Variants in COL14A1 observed in about 807,000 individuals in gnomAD.
COL14A1 encodes the protein collagen type XIV alpha 1 chain.
In COL14A1, 136 loss-of-function variants were observed where a neutral mutation model predicts 230.3. The ratio of observed to expected loss-of-function variants is 0.59; its 90% CI spans 0.51 to 0.68. The LOEUF is 0.68. Among genes scored for constraint, COL14A1 ranks in the 30% least tolerant of loss-of-function variants. The probability of loss-of-function intolerance (pLI) is 0.00; values close to 1 mark genes in which losing one functional copy is unlikely to be tolerated. For missense variants in COL14A1, 1,976 were observed against 2,215.8 expected, an observed-to-expected ratio of 0.89 and a Z score of 2.17; for synonymous variants, 792 against 784.1, an observed-to-expected ratio of 1.01 and a Z score of -0.17.
At chr8:120,241,315 C>T (rs959553227) in intron 19 of COL14A1, among the ~76,000 whole-genome samples, 1 of 152,160 alleles carries the variant, frequency 6.6e-6, no homozygotes, top group East Asian at 1.9e-4. Context: ...ACTAGTCCTT[C>T]ACCACAAAGA....
chr8:120,310,095 C>A, intron 37 of COL14A1, 33 bp downstream of exon 37: 1 of 1,604,882 alleles, frequency 6.2e-7, no homozygotes, highest in Non-Finnish European at 8.5e-7. Context: ...CTCTCTGTCT[C>A]ATCTCTCTCT....
At chr8:120,316,205 T>G (rs1586857394) in intron 40 of COL14A1, among the ~76,000 whole-genome samples, 1 of 152,238 alleles carries the variant, frequency 6.6e-6, no homozygotes, top group East Asian at 1.9e-4. Flanking sequence ...GGAACTTTCA[T>G]CAAACCTTCC....
chr8:120,270,726 A>T (rs1300950053), intron 26 of COL14A1, among the ~76,000 whole-genome samples: 1 of 151,782 alleles, frequency 6.6e-6, no homozygotes, highest in East Asian at 1.9e-4. Context: ...AAAAAATAAC[A>T]GATGCTGGCA....
intron 40 of COL14A1, among the ~76,000 whole-genome samples, chr8:120,330,548 A>G (rs1238349748): frequency 6.6e-6 from 1 of 152,122 alleles, no homozygotes; most frequent in Non-Finnish European, 1.5e-5. Flanking sequence ...CTTGTTCACA[A>G]TCATGAGAAC....
At chr8:120,202,720 A>G (rs1817290130) in intron 8 of COL14A1, among the ~76,000 whole-genome samples, 1 of 151,894 alleles carries the variant, frequency 6.6e-6, no homozygotes, top group African/African-American at 2.4e-5. Context: ...AACACTTACT[A>G]TGGTGCTTGG....
Position 120,371,476 on chromosome 8 carries a change from G to T in COL14A1, c.*245G>T. ...CCTTTGGTGTCTTAATGGCATGTCA[G>T]ATAATTTGTTTTTCCAGAGAAGAGA... On this transcript the variant is annotated 3_prime_UTR_variant, in exon 48 of 48. Coordinates refer to ENST00000297848, the MANE Select transcript of COL14A1 (RefSeq NM_021110.4). The T allele has an allele frequency of 2.5e-6, 1 of 395,632 alleles. No homozygotes were observed. Among genetic ancestry groups the T allele is most frequent in the Non-Finnish European group, 4.4e-6 (1 of 224,852 alleles). 24.5% of individuals were successfully genotyped at this position (395,632 alleles called of 1,614,324 possible).
chr8:120,268,766 G>T (rs2129810356), intron 25 of COL14A1, among the ~76,000 whole-genome samples: 1 of 151,728 alleles, frequency 6.6e-6, no homozygotes, highest in East Asian at 1.9e-4. Context: ...TCATGCATGT[G>T]GATATATTTT....
At chr8:120,358,356 AC>A (rs1311540913) in intron 45 of COL14A1, among the ~76,000 whole-genome samples, 1 of 152,160 alleles carries the variant, frequency 6.6e-6, no homozygotes, top group Non-Finnish European at 1.5e-5. Flanking sequence ...ATTTTAATGT[AC>A]ATTTTTCTTT....
At chr8:120,278,684 T>C in intron 28 of COL14A1, 106 bp downstream of exon 28, 1 of 1,133,158 alleles carries the variant, frequency 8.8e-7, no homozygotes, top group Non-Finnish European at 1.2e-6. Context: ...TTTTAAAATA[T>C]TTCTTCATAT....
At chr8:120,241,465 G>A (rs536065089) in intron 19 of COL14A1, among the ~76,000 whole-genome samples, 7 of 152,112 alleles carry the variant, frequency 4.6e-5, no homozygotes, top group Non-Finnish European at 1.5e-5. Context: ...ATTAGAGCCA[G>A]ACATGAAAAT....
At chr8:120,246,613 A>G (rs1472463314) in intron 20 of COL14A1, among the ~76,000 whole-genome samples, 1 of 152,200 alleles carries the variant, frequency 6.6e-6, no homozygotes, top group African/African-American at 2.4e-5. Flanking sequence ...GATTATTAGT[A>G]TGAAAATAGG....
At chr8:120,261,606 G>A (rs1439176609) in intron 23 of COL14A1, among the ~76,000 whole-genome samples, 2 of 152,106 alleles carry the variant, frequency 1.3e-5, no homozygotes, top group South Asian at 2.1e-4. Flanking sequence ...ACAAAGAAAC[G>A]AGCCAATAGT....
intron 45 of COL14A1, among the ~76,000 whole-genome samples, chr8:120,349,662 G>A (rs1384913050): frequency 1.4e-5 from 2 of 139,706 alleles, no homozygotes; most frequent in Middle Eastern, 3.5e-3. Flanking sequence ...TGAATGAAAT[G>A]AAGCGAGAAG....
chr8:120,196,977 A>C, intron 6 of COL14A1, 31 bp downstream of exon 6: 2 of 1,605,724 alleles, frequency 1.2e-6, no homozygotes, highest in South Asian at 2.2e-5. Flanking sequence ...AGTAGCAGTC[A>C]GTTGTCAGTG....
At chr8:120,227,388 C>G (rs368735703) in intron 17 of COL14A1, 36 bp downstream of exon 17, 5 of 1,611,312 alleles carry the variant, frequency 3.1e-6, no homozygotes, top group Non-Finnish European at 3.4e-6. Context: ...GTTTTAGCTG[C>G]TCCCACAATC....
intron 5 of COL14A1, among the ~76,000 whole-genome samples, chr8:120,174,356 T>C (rs1305992174): frequency 1.3e-5 from 2 of 152,184 alleles, no homozygotes; most frequent in African/African-American, 4.8e-5. Flanking sequence ...TCAGAATTTA[T>C]TAGCTATAGC....
At chr8:120,299,619 G>A (rs916528427) in intron 35 of COL14A1, among the ~76,000 whole-genome samples, 3 of 152,076 alleles carry the variant, frequency 2.0e-5, no homozygotes, top group Non-Finnish European at 4.4e-5. Flanking sequence ...GCTACAGGTG[G>A]CCTGTTGTTA....
intron 15 of COL14A1, 29 bp from the exon 16 acceptor site, chr8:120,226,598 C>G: frequency 6.2e-7 from 1 of 1,609,880 alleles, no homozygotes; most frequent in Non-Finnish European, 8.5e-7. Context: ...TCTCATTTCC[C>G]TAACAAAACC....
At chr8:120,213,904 C>T (rs1563675962) in intron 13 of COL14A1, 1 of 412,676 alleles carries the variant, frequency 2.4e-6, no homozygotes, top group Admixed American at 3.0e-5. Context: ...AATTATATTG[C>T]TTTTTTTTCT....
Sources: gnomAD v4.1 joint callset for allele counts (sites outside exome capture counted in the v4.1 genomes callset) on GRCh38, gnomAD v4.1.1 for gene constraint, MANE v1.5 for transcripts, NCBI Gene and HGNC (gene_info 2026-07-23, HGNC 2026-07-21) for gene names.